The following ACCSL variants were observed in gnomAD, a reference collection of about 807,000 sequenced individuals.
ACCSL encodes the protein 1-aminocyclopropane-1-carboxylate synthase homolog (inactive) like, also known as probable inactive 1-aminocyclopropane-1-carboxylate synthase-like protein 2.
A neutral mutation model predicts 61.7 loss-of-function variants in ACCSL; 55 were observed. The ratio of observed to expected loss-of-function variants is 0.89; its 90% CI spans 0.72 to 1.12. The LOEUF is 1.12. ACCSL is among the 50% of genes most tolerant of loss of function. ACCSL has a pLI of 0.00. For missense variants in ACCSL, 632 were observed against 698.0 expected, an observed-to-expected ratio of 0.91 and a Z score of 1.07; for synonymous variants, 258 against 264.3, an observed-to-expected ratio of 0.98 and a Z score of 0.23.
chr11:44,028,218 G>A, the ACCSL span, among the ~76,000 whole-genome samples: 2 of 152,090 alleles, frequency 1.3e-5, no homozygotes, highest in African/African-American at 4.8e-5. Context: ...GTAAGATATG[G>A]TGCAGGTGGT....
At chr11:44,014,479 TAGCCAGAGAG>T in the ACCSL span, among the ~76,000 whole-genome samples, 2 of 71,788 alleles carry the variant, frequency 2.8e-5, no homozygotes, top group Admixed American at 1.5e-4. Context: ...CAGAGAGAGA[TAGCCAGAGAG>T]AGAGAGAGAG....
chr11:43,984,730 A>AG, the ACCSL span, among the ~76,000 whole-genome samples: 1 of 152,246 alleles, frequency 6.6e-6, no homozygotes, highest in African/African-American at 2.4e-5. Context: ...TTCCCCTCGT[A>AG]GGACAATGTT....
chr11:44,007,427 C>G, the ACCSL span, among the ~76,000 whole-genome samples: 1 of 152,190 alleles, frequency 6.6e-6, no homozygotes, highest in Non-Finnish European at 1.5e-5. Context: ...TTCTGGGAAG[C>G]ATCTGTGCAA....
the ACCSL span, among the ~76,000 whole-genome samples, chr11:43,992,324 G>A: frequency 6.6e-6 from 1 of 152,096 alleles, no homozygotes; most frequent in Admixed American, 6.5e-5. Context: ...TGGGATTACA[G>A]GCGTGAGCCA....
the ACCSL span, among the ~76,000 whole-genome samples, chr11:43,956,424 C>T: frequency 7.8e-6 from 1 of 128,362 alleles, no homozygotes; most frequent in African/African-American, 2.7e-5. Context: ...CTCACTGCTA[C>T]AATTTTTTTT....
the ACCSL span, among the ~76,000 whole-genome samples, chr11:43,926,250 C>T: frequency 6.6e-6 from 1 of 150,818 alleles, no homozygotes; most frequent in South Asian, 2.1e-4. Flanking sequence ...TGCTCACTCT[C>T]GGCGGCCCCA....
chr11:44,012,580 C>G, the ACCSL span, among the ~76,000 whole-genome samples: 1 of 152,214 alleles, frequency 6.6e-6, no homozygotes, highest in Non-Finnish European at 1.5e-5. Context: ...AGCCACTGTA[C>G]CCAGCCTTGA....
the ACCSL span, among the ~76,000 whole-genome samples, chr11:44,000,351 C>G: frequency 6.6e-6 from 1 of 152,032 alleles, no homozygotes; most frequent in Non-Finnish European, 1.5e-5. Context: ...TTTCGAACTC[C>G]TGACCTCAGG....
At chr11:44,029,821 G>T in the ACCSL span, among the ~76,000 whole-genome samples, 2 of 151,908 alleles carry the variant, frequency 1.3e-5, no homozygotes, top group Non-Finnish European at 2.9e-5. Flanking sequence ...GATCACTTAG[G>T]ATAAAGAAGA....
intron 4 of ACCSL, 60 bp from the exon 5 acceptor site, chr11:44,051,593 G>A: frequency 1.2e-6 from 2 of 1,602,054 alleles, no homozygotes; most frequent in Non-Finnish European, 1.7e-6. Context: ...GAGAAAGCAT[G>A]GCTACCCCTT....
At chr11:43,959,037 C>T in the ACCSL span, among the ~76,000 whole-genome samples, 1 of 152,158 alleles carries the variant, frequency 6.6e-6, no homozygotes, top group African/African-American at 2.4e-5. Context: ...TTATAAGGCA[C>T]TAATCCATCC....
the ACCSL span, among the ~76,000 whole-genome samples, chr11:43,967,239 G>A: frequency 5.0e-5 from 7 of 139,446 alleles, no homozygotes; most frequent in Admixed American, 1.5e-4. Context: ...GTGCAATGGC[G>A]CAATCTTGGC....
upstream of ACCSL, among the ~76,000 whole-genome samples, chr11:44,044,650 G>A (rs1952589038): frequency 6.6e-6 from 1 of 152,096 alleles, no homozygotes. Context: ...AAGGAAGGCT[G>A]GAAGAGTTAT....
chr11:43,998,346 C>A, the ACCSL span, among the ~76,000 whole-genome samples: 3 of 152,190 alleles, frequency 2.0e-5, no homozygotes, highest in Non-Finnish European at 4.4e-5. Context: ...CTTTCTTCAT[C>A]CCCTTTCTTT....
the ACCSL span, among the ~76,000 whole-genome samples, chr11:43,968,777 C>G: frequency 1.3e-5 from 2 of 152,096 alleles, no homozygotes; most frequent in African/African-American, 4.8e-5. Context: ...ACTAGTTTTT[C>G]CCTAACCTGA....
At chr11:44,043,677 A>G (rs1039893614), upstream of ACCSL, among the ~76,000 whole-genome samples, 6 of 152,174 alleles carry the variant, frequency 3.9e-5, 1 homozygote, top group Non-Finnish European at 8.8e-5. Flanking sequence ...ACTCCAAAAA[A>G]ATACATCTGT....
the ACCSL span, chr11:43,943,591 A>ATG: frequency 7.6e-7 from 1 of 1,309,924 alleles, no homozygotes. The surrounding 1 kb of genome is among the most constrained non-coding windows in gnomAD (Gnocchi z 4.8). Context: ...GCGGGTAGCC[A>ATG]CTCCATGCCC....
At chr11:43,957,828 A>G in the ACCSL span, among the ~76,000 whole-genome samples, 3 of 152,142 alleles carry the variant, frequency 2.0e-5, no homozygotes, top group South Asian at 2.1e-4. Context: ...GTAACAAGGC[A>G]TGTGTGACCG....
chr11:44,053,048 C>T lies in ACCSL; in HGVS notation c.928C>T (p.Leu310=), dbSNP rs1203897616. 6.2e-7 allele frequency: 1 copy of T among 1,614,038 alleles called. No homozygotes were observed. The highest frequency in any genetic ancestry group is 1.7e-5 in the Admixed American group (1 of 60,016). Residue 310 remains leucine, a synonymous_variant, in exon 7 of 14, where the codon CTG becomes TTG. Coordinates refer to ENST00000378832, the MANE Select transcript of ACCSL (RefSeq NM_001031854.2). ...CACTGTGGACAAGTTAGAGGAAGCC[C>T]TGCTTGAAGCTAGGCTTGAGGTAAG... ...QLTVDKLEEA[L]LEARLEGKKV...
Sources: allele counts gnomAD v4.1 joint callset (sites outside exome capture counted in the v4.1 genomes callset), GRCh38; gene constraint gnomAD v4.1.1; non-coding constraint Gnocchi (gnomAD v3.1); transcripts MANE v1.5; gene names NCBI Gene and HGNC (gene_info 2026-07-23, HGNC 2026-07-21).